Variants in MRTFA observed in about 807,000 individuals in gnomAD.
MRTFA encodes the protein myocardin-related transcription factor A.
A neutral mutation model predicts 83.5 loss-of-function variants in MRTFA; 20 were observed. That is an observed-to-expected ratio of 0.24 (90% CI 0.17 to 0.35). The LOEUF (loss-of-function observed/expected upper bound fraction) is 0.35. MRTFA is among the 10% of genes least tolerant of loss of function. The pLI is 1.00. For missense variants in MRTFA, 1,200 were observed against 1,224.7 expected, an observed-to-expected ratio of 0.98 and a Z score of 0.30; for synonymous variants, 659 against 541.2, an observed-to-expected ratio of 1.22 and a Z score of -3.02.
rs1316642310 is a variant in MRTFA at position 40,418,693 on chromosome 22, G to C, written c.2045C>G (p.Ser682Cys). ...GGGCTGCTGGCTCAGCTGGCAGCTG[G>C]AGAAGCTGTTCTCCTGCTTCACGGG... The change falls in exon 12 of 15, where the codon TCC (serine) becomes TGC (cysteine). Residue 682 changes from serine to cysteine, a missense_variant. Physicochemically the swap from Ser to Cys is moderately radical, Grantham distance 112. This residue lies in a region of MRTFA where 1,107 missense variants were observed against 1,041.8 expected (regional missense o/e 1.06). Transcript: ENST00000355630. 3.0e-6 allele frequency: 4 copies of C among 1,352,240 alleles called. No homozygotes were observed. Among genetic ancestry groups the C allele is most frequent in the Admixed American group, 2.7e-5 (1 of 36,784 alleles). 83.8% of individuals were successfully genotyped at this position (1,352,240 alleles called of 1,614,324 possible). A position where few individuals can be genotyped will look rare whatever the true frequency, so the allele number is the denominator to read the frequency against.
chr22:40,490,556 G>A (rs1264956180), intron 3 of MRTFA, among the ~76,000 whole-genome samples: 6 of 149,962 alleles, frequency 4.0e-5, no homozygotes, highest in Admixed American at 1.3e-4. Context: ...CAGGGATTGC[G>A]CCACTGCACT....
At position 40,421,244 on chromosome 22, in the gene MRTFA, C is replaced by A. The variant is rs775566462; in HGVS notation, c.928-144G>T. ...CCATTTCCACTCTTCCCTGTGGGAC[C>A]GTACACCCCGTGAAAAGCAGAAATG... On this transcript the variant is annotated intron_variant, in intron 9 of 14. Coordinates refer to ENST00000355630, the MANE Select transcript of MRTFA (RefSeq NM_020831.6). 7 of 908,108 alleles carry A rather than the reference C, an allele frequency of 7.7e-6. No individual in the cohort carries two copies. In the East Asian group the frequency reaches 2.0e-4, roughly 26 times the overall value. 56.3% of individuals were successfully genotyped at this position (908,108 alleles called of 1,614,324 possible).
chr22:40,466,400 T>C (rs1052790299), intron 3 of MRTFA, among the ~76,000 whole-genome samples: 2 of 152,160 alleles, frequency 1.3e-5, no homozygotes, highest in African/African-American at 4.8e-5. Context: ...CTTTAAAAGT[T>C]TGCCTTCTGT....
At position 40,418,684 on chromosome 22, in the gene MRTFA, T is replaced by C. The variant is rs1384394239; in HGVS notation, c.2054A>G (p.Gln685Arg). Reference sequence around the variant, plus strand: ...GGGGCCCAGGGGCTGCTGGCTCAGCTGGCAGCTGGAGAAGCTGTTCTCCTG... The same window carrying C: ...GGGGCCCAGGGGCTGCTGGCTCAGCCGGCAGCTGGAGAAGCTGTTCTCCTG... Residue 685 changes from glutamine (Q) to arginine (R), a missense_variant, in exon 12 of 15, where the codon CAG (glutamine) becomes CGG (arginine). Coordinates refer to ENST00000355630, the MANE Select transcript of MRTFA (RefSeq NM_020831.6). 2 of 1,223,708 alleles carry C rather than the reference T, an allele frequency of 1.6e-6. No individual in the cohort carries two copies. The highest frequency in any genetic ancestry group is 2.1e-6 in the Non-Finnish European group (2 of 972,080). 75.8% of individuals were successfully genotyped at this position (1,223,708 alleles called of 1,614,324 possible).
chr22:40,417,965 G>A (rs1263345573), intron 12 of MRTFA, among the ~76,000 whole-genome samples: 1 of 152,166 alleles, frequency 6.6e-6, no homozygotes, highest in Non-Finnish European at 1.5e-5. Context: ...GGGACAGCTA[G>A]CCTCTCTGAG....
At chr22:40,509,247 C>T (rs56074057) in intron 3 of MRTFA, among the ~76,000 whole-genome samples, 3,022 of 152,294 alleles carry the variant, frequency 0.02, 90 homozygotes, top group African/African-American at 0.068. Context: ...CTGGTTCACA[C>T]CTTCCCCTAT....
At chr22:40,450,954 C>A (rs1228575471) in intron 4 of MRTFA, among the ~76,000 whole-genome samples, 1 of 152,174 alleles carries the variant, frequency 6.6e-6, no homozygotes, top group Non-Finnish European at 1.5e-5. Context: ...AGTCCCATGA[C>A]CCCTCTGAGG....
intron 1 of MRTFA, among the ~76,000 whole-genome samples, chr22:40,629,971 C>G (rs1261305298): frequency 6.6e-6 from 1 of 151,738 alleles, no homozygotes; most frequent in African/African-American, 2.4e-5. Flanking sequence ...GAATGAGAAC[C>G]TGTGTGGCTG....
intron 2 of MRTFA, among the ~76,000 whole-genome samples, chr22:40,566,868 G>C (rs1183804352): frequency 6.6e-6 from 1 of 152,068 alleles, no homozygotes; most frequent in Non-Finnish European, 1.5e-5. Flanking sequence ...AATCATTTTG[G>C]CAGGTGTGTA....
At chr22:40,461,270 T>C (rs2053707301) in intron 4 of MRTFA, among the ~76,000 whole-genome samples, 1 of 148,858 alleles carries the variant, frequency 6.7e-6, no homozygotes, top group Non-Finnish European at 1.5e-5. Flanking sequence ...ACACTTGTTA[T>C]AAGGTTCTCT....
intron 3 of MRTFA, among the ~76,000 whole-genome samples, chr22:40,478,269 T>C (rs1256519250): frequency 6.6e-6 from 1 of 152,098 alleles, no homozygotes; most frequent in Non-Finnish European, 1.5e-5. Context: ...AAAAACGACA[T>C]TAGTGGGAAA....
chr22:40,630,429 C>T (rs1293494892), intron 1 of MRTFA, among the ~76,000 whole-genome samples: 1 of 152,122 alleles, frequency 6.6e-6, no homozygotes, highest in Admixed American at 6.6e-5. Context: ...AAAAAAACAC[C>T]TGGGCAGTTT....
intron 2 of MRTFA, among the ~76,000 whole-genome samples, chr22:40,561,682 G>A (rs1325296745): frequency 2.0e-5 from 3 of 152,060 alleles, no homozygotes; most frequent in African/African-American, 4.8e-5. Flanking sequence ...AAAACGAGGA[G>A]TACAAGCAAC....
chr22:40,571,800 T>C (rs1406945208), intron 2 of MRTFA, among the ~76,000 whole-genome samples: 1 of 149,082 alleles, frequency 6.7e-6, no homozygotes, highest in African/African-American at 2.5e-5. Flanking sequence ...GGCAGGTGCC[T>C]GTAGTCCCAG....
intron 3 of MRTFA, 75 bp from the exon 4 acceptor site, chr22:40,463,361 G>T: frequency 7.8e-7 from 1 of 1,286,018 alleles, no homozygotes; most frequent in Non-Finnish European, 1.1e-6. Flanking sequence ...ATTTTCAAAC[G>T]CAAAAAAAGT....
At position 40,419,438 on chromosome 22, in the gene MRTFA, G is replaced by C; in HGVS notation, c.1354-54C>G. ...CAGGGGCAGCTGGACACAGGGCACTGGGTCCAGGCAGAAGGGCAGTCTGGG... is the reference window on the plus strand; with the variant it reads ...CAGGGGCAGCTGGACACAGGGCACTCGGTCCAGGCAGAAGGGCAGTCTGGG... On this transcript the variant is annotated intron_variant, in intron 11 of 14. Transcript: ENST00000355630. 5 of 1,552,076 alleles carry C rather than the reference G, an allele frequency of 3.2e-6. No individual in the cohort carries two copies. The South Asian group carries it at 5.6e-5, about 17-fold the overall frequency.
chr22:40,504,577 C>T (rs2054549839), intron 3 of MRTFA, among the ~76,000 whole-genome samples: 1 of 151,998 alleles, frequency 6.6e-6, no homozygotes, highest in South Asian at 2.1e-4. Flanking sequence ...TTTATGAAAA[C>T]AAGGAACTGA....
chr22:40,581,190 G>A (rs1009002390), intron 2 of MRTFA, among the ~76,000 whole-genome samples: 2 of 151,870 alleles, frequency 1.3e-5, no homozygotes, highest in Non-Finnish European at 2.9e-5. Context: ...TGTCCATTCT[G>A]ACTGTACTAG....
chr22:40,577,769 G>A (rs368995308), intron 2 of MRTFA, among the ~76,000 whole-genome samples: 31 of 151,780 alleles, frequency 2.0e-4, no homozygotes, highest in African/African-American at 7.3e-4. Context: ...ACCATGCCCG[G>A]CTAATTTTGT....
Sources: gnomAD v4.1 joint callset for allele counts (sites outside exome capture counted in the v4.1 genomes callset) on GRCh38, gnomAD v4.1.1 for gene constraint, gnomAD v4.1.1 regional missense constraint, MANE v1.5 for transcripts, NCBI Gene and HGNC (gene_info 2026-07-23, HGNC 2026-07-21) for gene names.